CFTR: variants seen among roughly 807,000 people sequenced by gnomAD.
CFTR encodes cystic fibrosis transmembrane conductance regulator.
CFTR carries 181 observed loss-of-function variants against 171.6 expected under a neutral mutation model. That is an observed-to-expected ratio of 1.05 (90% CI 0.93 to 1.19). The LOEUF (loss-of-function observed/expected upper bound fraction) is 1.19. Ranked by LOEUF, CFTR falls within the 50% of genes most tolerant of loss-of-function variation. CFTR has a pLI of 0.00. For missense variants in CFTR, 1,968 were observed against 1,734.7 expected, an observed-to-expected ratio of 1.13 and a Z score of -2.39; for synonymous variants, 583 against 608.0, an observed-to-expected ratio of 0.96 and a Z score of 0.60.
intron 10 of CFTR, among the ~76,000 whole-genome samples, chr7:117,554,465 T>A (rs1799318554): frequency 6.6e-6 from 1 of 152,076 alleles, no homozygotes; most frequent in Admixed American, 6.6e-5. Context: ...GAGCTTGGTT[T>A]GGGAATATTA....
chr7:117,611,837 G>A, intron 20 of CFTR, 29 bp downstream of exon 20: 1 of 1,515,190 alleles, frequency 6.6e-7, no homozygotes, highest in South Asian at 1.1e-5. Flanking sequence ...CTTTAGCTAA[G>A]CATTTAAGTA....
chr7:117,566,248 A>AACACACACACACACACACAC (rs71314621), intron 11 of CFTR, among the ~76,000 whole-genome samples: 3 of 138,784 alleles, frequency 2.2e-5, no homozygotes, highest in African/African-American at 5.4e-5. Context: ...AGCCTACTAA[A>AACACACACACACACACACAC]ACACACACAC....
chr7:117,578,004 A>G (rs192017338), intron 11 of CFTR, among the ~76,000 whole-genome samples: 3 of 152,286 alleles, frequency 2.0e-5, no homozygotes, highest in Admixed American at 2.0e-4. Context: ...ATACATTCAC[A>G]TGTACATATA....
At chr7:117,550,719 A>G (rs1224210713) in intron 10 of CFTR, among the ~76,000 whole-genome samples, 1 of 152,216 alleles carries the variant, frequency 6.6e-6, no homozygotes, top group Non-Finnish European at 1.5e-5. Context: ...TCCAAGACTT[A>G]CTGGCAATTA....
intron 1 of CFTR, chr7:117,487,835 G>A (rs1208472091): frequency 6.6e-6 from 1 of 152,084 alleles, no homozygotes; most frequent in Non-Finnish European, 1.5e-5. Context: ...CAGAATCCCA[G>A]GGGTACTGAC....
At chr7:117,596,302 T>A (rs1180407853) in intron 15 of CFTR, among the ~76,000 whole-genome samples, 2 of 152,216 alleles carry the variant, frequency 1.3e-5, no homozygotes, top group Non-Finnish European at 2.9e-5. Context: ...CAGCAGCTGC[T>A]GTACTCGATT....
intron 21 of CFTR, among the ~76,000 whole-genome samples, chr7:117,615,429 A>G (rs1792470898): frequency 6.6e-6 from 1 of 152,028 alleles, no homozygotes; most frequent in Non-Finnish European, 1.5e-5. Context: ...ATCTTGATTA[A>G]GAACTCCTTC....
intron 22 of CFTR, among the ~76,000 whole-genome samples, chr7:117,634,827 T>A (rs1792802240): frequency 6.6e-6 from 1 of 152,144 alleles, no homozygotes; most frequent in South Asian, 2.1e-4. Context: ...TTGTATAATT[T>A]TAATTTTTAT....
At chr7:117,568,136 G>C (rs1017775842) in intron 11 of CFTR, among the ~76,000 whole-genome samples, 2 of 152,168 alleles carry the variant, frequency 1.3e-5, no homozygotes, top group Admixed American at 6.6e-5. Flanking sequence ...AGAGCACTTT[G>C]CCCTTTGGGG....
chr7:117,517,029 A>G (rs1252638773), intron 3 of CFTR, among the ~76,000 whole-genome samples: 1 of 152,090 alleles, frequency 6.6e-6, no homozygotes, highest in African/African-American at 2.4e-5. Flanking sequence ...TTACATAGGT[A>G]TCAACAACTC....
In CFTR at chr7:117,645,057, C is replaced by T. The variant is rs568985128; in HGVS notation, c.3873+2464C>T. On this transcript the variant is annotated intron_variant, in intron 23 of 26. Transcript: ENST00000003084. ...GAAATGATTAGGCCTATTCTTGCAACGAGTCTTTATGATCTGAAAAGAATC... is the reference window on the plus strand; with the variant it reads ...GAAATGATTAGGCCTATTCTTGCAATGAGTCTTTATGATCTGAAAAGAATC... Among the ~76,000 whole-genome samples, 25 of 152,130 alleles carry T rather than the reference C, an allele frequency of 1.6e-4. No homozygotes were observed. The South Asian group carries it at 1.9e-3, about 11-fold the overall frequency.
chr7:117,624,842 A>G (rs1279092377), intron 21 of CFTR, among the ~76,000 whole-genome samples: 1 of 152,144 alleles, frequency 6.6e-6, no homozygotes, highest in Non-Finnish European at 1.5e-5. Context: ...AAAATTTTCA[A>G]ATGATCCATA....
At chr7:117,549,411 G>GA (rs1490393236) in intron 10 of CFTR, among the ~76,000 whole-genome samples, 1 of 151,974 alleles carries the variant, frequency 6.6e-6, no homozygotes, top group Non-Finnish European at 1.5e-5. Flanking sequence ...AGATACATCT[G>GA]AAAAAATAGT....
At chr7:117,655,901 T>TCTCTGGG (rs1005348562) in intron 24 of CFTR, among the ~76,000 whole-genome samples, 7 of 152,022 alleles carry the variant, frequency 4.6e-5, no homozygotes, top group African/African-American at 1.7e-4. Context: ...GCAGGCTAGC[T>TCTCTGGG]CTCTGGGATG....
intron 1 of CFTR, among the ~76,000 whole-genome samples, chr7:117,502,070 T>C (rs959096466): frequency 6.6e-6 from 1 of 152,232 alleles, no homozygotes; most frequent in Non-Finnish European, 1.5e-5. Context: ...TGTTTTTGTT[T>C]TTGTTTTCCG....
intron 11 of CFTR, among the ~76,000 whole-genome samples, chr7:117,568,030 C>G (rs532467832): frequency 6.6e-6 from 1 of 152,220 alleles, no homozygotes; most frequent in South Asian, 2.1e-4. Flanking sequence ...ACAAAATGTA[C>G]GAGGCCTGAT....
chr7:117,524,969 T>C (rs1798751346), intron 3 of CFTR, among the ~76,000 whole-genome samples: 1 of 152,240 alleles, frequency 6.6e-6, no homozygotes, highest in Admixed American at 6.5e-5. Flanking sequence ...ATTCTAAAGA[T>C]GAACATATAT....
chr7:117,548,881 TTTCTAGTTTG>T (rs983442152), intron 10 of CFTR, 58 bp downstream of exon 10: 12 of 1,542,052 alleles, frequency 7.8e-6, no homozygotes, highest in Non-Finnish European at 1.1e-5. Flanking sequence ...TCTCTTTTTT[TTTCTAGTTTG>T]TAGTGCTGGA....
intron 11 of CFTR, among the ~76,000 whole-genome samples, chr7:117,561,940 G>T (rs947326585): frequency 2.6e-5 from 4 of 152,106 alleles, no homozygotes; most frequent in African/African-American, 7.2e-5. Context: ...GAAAGTTAGG[G>T]CCTTGAAGAA....
Sources: allele counts gnomAD v4.1 joint callset (sites outside exome capture counted in the v4.1 genomes callset), GRCh38; gene constraint gnomAD v4.1.1; transcripts MANE v1.5; gene names NCBI Gene and HGNC (gene_info 2026-07-23, HGNC 2026-07-21).